PARD3: variants seen among roughly 807,000 people sequenced by gnomAD.
PARD3 encodes par-3 family cell polarity regulator, also known as partitioning defective 3 homolog.
In PARD3, 75 loss-of-function variants were observed where a neutral mutation model predicts 155.4. That is an observed-to-expected ratio of 0.48 (90% CI 0.40 to 0.58). The LOEUF (loss-of-function observed/expected upper bound fraction) is 0.58, where lower values mean the gene tolerates loss of function less well. Among genes scored for constraint, PARD3 ranks in the 20% least tolerant of loss-of-function variants. The pLI, the probability that PARD3 is intolerant of heterozygous loss-of-function variation, is 0.00. For synonymous variants in PARD3, 576 were observed against 610.5 expected, an observed-to-expected ratio of 0.94 and a Z score of 0.83; for missense variants, 1,642 against 1,721.7, an observed-to-expected ratio of 0.95 and a Z score of 0.82.
chr10:34,173,652 G>GTT lies in PARD3; in HGVS notation c.3420-42071_3420-42070dup, dbSNP rs749642826. 9.9e-4 allele frequency among the ~76,000 whole-genome samples: 150 copies of GTT among 152,122 alleles called. 1 individual carries two copies. Among genetic ancestry groups the GTT allele is most frequent in the Non-Finnish European group, 1.6e-3 (111 of 68,020 alleles). ...TCACAATGGCAAAGCTAGGAAAAGT[G>GTT]TTTATCAAACCCTCCAACATCCCAG... On this transcript the variant is annotated intron_variant, in intron 22 of 24. Transcript: ENST00000374788.
At chr10:34,149,821 G>C (rs7914275) in intron 22 of PARD3, among the ~76,000 whole-genome samples, 6,994 of 152,164 alleles carry the variant, frequency 0.046, 544 homozygotes, top group African/African-American at 0.16. Flanking sequence ...CGTAGATTAA[G>C]GATTTGATGT....
intron 2 of PARD3, among the ~76,000 whole-genome samples, chr10:34,631,318 C>A (rs891486785): frequency 6.6e-6 from 1 of 152,036 alleles, no homozygotes; most frequent in African/African-American, 2.4e-5. Context: ...AGGTCCGTGA[C>A]GTCAAGGCAA....
At chr10:34,379,018 A>G (rs2134709624) in intron 9 of PARD3, among the ~76,000 whole-genome samples, 1 of 152,248 alleles carries the variant, frequency 6.6e-6, no homozygotes, top group East Asian at 1.9e-4. Context: ...GAATCACAAC[A>G]TTTTTACAAT....
At chr10:34,582,793 G>A (rs994807840) in intron 2 of PARD3, among the ~76,000 whole-genome samples, 7 of 152,190 alleles carry the variant, frequency 4.6e-5, no homozygotes, top group Non-Finnish European at 7.3e-5. Flanking sequence ...AGCTGTTTTC[G>A]CATGAGCTTT....
In PARD3 at chr10:34,353,716, TAAATAAATAAAA is replaced by T. The variant is rs774595731; in HGVS notation, c.2067+5419_2067+5430del. ...GAAACACCCAAGAATGATCAATAAATAAATAAATAAAAAAATAAATAAATAAATAAATAAAAT... is the reference window on the plus strand; with the variant it reads ...GAAACACCCAAGAATGATCAATAAATAAATAAATAAATAAATAAATAAAAT... On this transcript the variant is annotated intron_variant, in intron 14 of 24. Coordinates refer to ENST00000374788, the MANE Select transcript of PARD3 (RefSeq NM_001184785.2). 2.3e-3 allele frequency among the ~76,000 whole-genome samples: 308 copies of T among 136,678 alleles called. 1 individual carries two copies. The highest frequency in any genetic ancestry group is 0.017 in the South Asian group (65 of 3,760). The allele number at this position is 136,678 out of a possible 152,430, so 89.7% of individuals were successfully genotyped here.
intron 3 of PARD3, among the ~76,000 whole-genome samples, chr10:34,490,203 C>T (rs773983): frequency 0.053 from 8,129 of 152,274 alleles, 245 homozygotes; most frequent in African/African-American, 0.086. Context: ...GACAATGACT[C>T]ATCTCATGCT....
intron 2 of PARD3, among the ~76,000 whole-genome samples, chr10:34,586,959 G>C (rs531957941): frequency 6.6e-6 from 1 of 152,222 alleles, no homozygotes; most frequent in South Asian, 2.1e-4. Context: ...CCGAAAAAAA[G>C]AAGGCACTCA....
chr10:34,558,429 C>T (rs950436979), intron 2 of PARD3, among the ~76,000 whole-genome samples: 1 of 152,134 alleles, frequency 6.6e-6, no homozygotes, highest in Admixed American at 6.5e-5. Flanking sequence ...ATTCTTGCTA[C>T]CTCATTTCCT....
At chr10:34,750,516 GACTAT>G (rs2133946477) in intron 1 of PARD3, among the ~76,000 whole-genome samples, 1 of 143,512 alleles carries the variant, frequency 7.0e-6, no homozygotes, top group South Asian at 2.3e-4. Context: ...CACACCCTAA[GACTAT>G]AGAGGACAGG....
chr10:34,813,112 G>A (rs73264843), intron 1 of PARD3, among the ~76,000 whole-genome samples: 1,610 of 152,312 alleles, frequency 0.011, 12 homozygotes, highest in African/African-American at 0.028. Flanking sequence ...TCTGTGGAAC[G>A]AATGCCTGGA....
At chr10:34,139,548 C>T (rs1948074156) in intron 22 of PARD3, among the ~76,000 whole-genome samples, 1 of 152,146 alleles carries the variant, frequency 6.6e-6, no homozygotes, top group African/African-American at 2.4e-5. Flanking sequence ...ATGGTTAAGT[C>T]CAAACTTCAG....
intron 2 of PARD3, among the ~76,000 whole-genome samples, chr10:34,610,598 T>C (rs1262224492): frequency 1.3e-5 from 2 of 152,206 alleles, no homozygotes; most frequent in East Asian, 1.9e-4. Flanking sequence ...GGAGCCAGTA[T>C]GATCGTGGGT....
chr10:34,468,073 G>T (rs888229086), intron 4 of PARD3, among the ~76,000 whole-genome samples: 1 of 152,144 alleles, frequency 6.6e-6, no homozygotes, highest in Non-Finnish European at 1.5e-5. Context: ...GAGGCAGGGT[G>T]GTGTATAGTG....
intron 3 of PARD3, among the ~76,000 whole-genome samples, chr10:34,484,695 C>T (rs546167041): frequency 6.6e-6 from 1 of 152,338 alleles, no homozygotes; most frequent in African/African-American, 2.4e-5. Context: ...TGATCCAGCA[C>T]TTCAGCGTGA....
intron 3 of PARD3, among the ~76,000 whole-genome samples, chr10:34,506,271 A>G (rs1476542202): frequency 6.6e-6 from 1 of 152,116 alleles, no homozygotes; most frequent in Non-Finnish European, 1.5e-5. Context: ...TTTCAGCAAT[A>G]CCTCTGCTTG....
intron 2 of PARD3, among the ~76,000 whole-genome samples, chr10:34,654,424 C>T (rs2093108007): frequency 6.6e-6 from 1 of 152,208 alleles, no homozygotes; most frequent in Admixed American, 6.5e-5. Context: ...GGCTGAACTT[C>T]GAACTCAAGC....
intron 24 of PARD3, 74 bp from the exon 25 acceptor site, chr10:34,111,636 G>T: frequency 1.7e-6 from 2 of 1,192,808 alleles, no homozygotes; most frequent in Non-Finnish European, 2.4e-6. Flanking sequence ...GGCAGGATGG[G>T]ATGGAATATG....
intron 2 of PARD3, among the ~76,000 whole-genome samples, chr10:34,575,388 A>C (rs1226431281): frequency 6.6e-6 from 1 of 152,204 alleles, no homozygotes; most frequent in Non-Finnish European, 1.5e-5. Flanking sequence ...ACATAATCAC[A>C]AGGGAGTAGG....
At position 34,373,566 on chromosome 10, in the gene PARD3, C is replaced by T. The variant is rs980541268; in HGVS notation, c.1669-1030G>A. Reference sequence around the variant, plus strand: ...GTGCTCATTTACAATTTAATAGAGACATCTCCAGATTTAGGATCAGGTGGC... The same window carrying T: ...GTGCTCATTTACAATTTAATAGAGATATCTCCAGATTTAGGATCAGGTGGC... On this transcript the variant is annotated intron_variant, in intron 11 of 24. Transcript: ENST00000374788. 3.3e-5 allele frequency among the ~76,000 whole-genome samples: 5 copies of T among 151,420 alleles called. No individual in the cohort carries two copies. The South Asian group carries it at 1.0e-3, about 32-fold the overall frequency.
Sources: gnomAD v4.1 joint callset for allele counts (sites outside exome capture counted in the v4.1 genomes callset) on GRCh38, gnomAD v4.1.1 for gene constraint, MANE v1.5 for transcripts, NCBI Gene and HGNC (gene_info 2026-07-23, HGNC 2026-07-21) for gene names.